Variants in CSNK2A2IP observed in about 807,000 individuals in gnomAD.
CSNK2A2IP encodes the protein casein kinase 2 subunit alpha' interacting protein.
the CSNK2A2IP span, among the ~76,000 whole-genome samples, chr3:88,396,629 A>T: frequency 3.9e-5 from 6 of 152,196 alleles, no homozygotes; most frequent in Non-Finnish European, 8.8e-5. Flanking sequence ...TGATCATGGT[A>T]GTTAGGAGAG....
the CSNK2A2IP span, among the ~76,000 whole-genome samples, chr3:88,439,423 G>C: frequency 6.6e-6 from 1 of 151,826 alleles, no homozygotes; most frequent in Non-Finnish European, 1.5e-5. Context: ...GGATTGGTTT[G>C]GTTTCAGTTT....
At chr3:88,420,497 A>G in the CSNK2A2IP span, among the ~76,000 whole-genome samples, 1 of 152,146 alleles carries the variant, frequency 6.6e-6, no homozygotes, top group Admixed American at 6.5e-5. Context: ...ATAAAATCTT[A>G]TGTGTTTTCT....
chr3:88,407,207 T>C, the CSNK2A2IP span, among the ~76,000 whole-genome samples: 1 of 148,762 alleles, frequency 6.7e-6, no homozygotes, highest in African/African-American at 2.5e-5. Context: ...ACTTACTCTA[T>C]CATGTACCAG....
At chr3:88,445,275 C>CAAAAAAAAAAAAAAAAAAAAAAA in the CSNK2A2IP span, among the ~76,000 whole-genome samples, 9 of 47,766 alleles carry the variant, frequency 1.9e-4, no homozygotes, top group Non-Finnish European at 3.1e-4. Context: ...GTAAAAATAC[C>CAAAAAAAAAAAAAAAAAAAAAAA]AAAAAAAAAA....
chr3:88,465,394 C>T, the CSNK2A2IP span: 45 of 1,231,586 alleles, frequency 3.7e-5, no homozygotes, highest in African/African-American at 6.8e-4. Context: ...ACACTTTGTG[C>T]CATTAGACTA....
the CSNK2A2IP span, among the ~76,000 whole-genome samples, chr3:88,451,487 C>G: frequency 5.7e-4 from 86 of 151,342 alleles, no homozygotes; most frequent in African/African-American, 2.0e-3. Flanking sequence ...ATGAACTGTC[C>G]TCTTGAGTAA....
At chr3:88,373,874 T>A in the CSNK2A2IP span, among the ~76,000 whole-genome samples, 1 of 151,412 alleles carries the variant, frequency 6.6e-6, no homozygotes, top group Non-Finnish European at 1.5e-5. Context: ...ATTACAAAAA[T>A]TAATAAGATG....
At chr3:88,464,313 T>A in the CSNK2A2IP span, among the ~76,000 whole-genome samples, 1 of 87,158 alleles carries the variant, frequency 1.1e-5, no homozygotes, top group Non-Finnish European at 3.2e-5. Context: ...TAAGGTATAA[T>A]AATAATAAAT....
the CSNK2A2IP span, among the ~76,000 whole-genome samples, chr3:88,347,105 C>A: frequency 1.3e-5 from 2 of 151,844 alleles, no homozygotes; most frequent in African/African-American, 4.8e-5. Flanking sequence ...AGAAATGGAG[C>A]CTGAAGATAT....
At chr3:88,463,692 A>T in the CSNK2A2IP span, among the ~76,000 whole-genome samples, 1 of 152,176 alleles carries the variant, frequency 6.6e-6, no homozygotes. Flanking sequence ...AAACACTTTT[A>T]CACTGTTGGT....
the CSNK2A2IP span, among the ~76,000 whole-genome samples, chr3:88,403,802 T>C: frequency 6.6e-6 from 1 of 152,146 alleles, no homozygotes; most frequent in Non-Finnish European, 1.5e-5. Context: ...CTAAATTGTT[T>C]TAAACGAAAT....
chr3:88,452,177 G>T, the CSNK2A2IP span, among the ~76,000 whole-genome samples: 4 of 127,086 alleles, frequency 3.1e-5, no homozygotes, highest in Non-Finnish European at 7.0e-5. Context: ...ACTCGGTTTA[G>T]ATTTTTTTTT....
At chr3:88,370,783 T>A in the CSNK2A2IP span, among the ~76,000 whole-genome samples, 7 of 151,738 alleles carry the variant, frequency 4.6e-5, no homozygotes, top group Non-Finnish European at 1.5e-5. Flanking sequence ...TGACTGTATT[T>A]GGAGATGGAA....
the CSNK2A2IP span, among the ~76,000 whole-genome samples, chr3:88,376,473 T>C: frequency 1.2e-3 from 177 of 151,898 alleles, no homozygotes; most frequent in African/African-American, 4.0e-3. Context: ...ATCATTCTTT[T>C]CTTCTAAGAG....
the CSNK2A2IP span, among the ~76,000 whole-genome samples, chr3:88,424,279 T>C: frequency 6.6e-6 from 1 of 152,212 alleles, no homozygotes; most frequent in Non-Finnish European, 1.5e-5. Flanking sequence ...TTGGCCTATG[T>C]ATTCATGTGA....
the CSNK2A2IP span, among the ~76,000 whole-genome samples, chr3:88,463,638 A>C: frequency 1.3e-5 from 2 of 152,186 alleles, no homozygotes; most frequent in Non-Finnish European, 2.9e-5. Context: ...CAATCATTAA[A>C]AAGTCAGGAA....
chr3:88,463,022 A>G, the CSNK2A2IP span, among the ~76,000 whole-genome samples: 1 of 152,228 alleles, frequency 6.6e-6, no homozygotes, highest in African/African-American at 2.4e-5. Context: ...AATGCAAAGA[A>G]AAAGTTACTA....
At chr3:88,341,121 C>A in the CSNK2A2IP span, among the ~76,000 whole-genome samples, 1 of 151,698 alleles carries the variant, frequency 6.6e-6, no homozygotes, top group Non-Finnish European at 1.5e-5. Flanking sequence ...GAAAATGTTA[C>A]AAAATAATTG....
chr3:88,405,555 A>G, the CSNK2A2IP span, among the ~76,000 whole-genome samples: 1 of 152,108 alleles, frequency 6.6e-6, no homozygotes, highest in Non-Finnish European at 1.5e-5. Context: ...AAACCCTATT[A>G]TCTTCTTTGG....
Sources: allele counts gnomAD v4.1 joint callset (sites outside exome capture counted in the v4.1 genomes callset), GRCh38; gene constraint gnomAD v4.1.1; transcripts MANE v1.5; gene names NCBI Gene and HGNC (gene_info 2026-07-23, HGNC 2026-07-21).